Variants in HTT observed in about 807,000 individuals in gnomAD.
HTT encodes the protein huntington disease protein.
A neutral mutation model predicts 362.3 loss-of-function variants in HTT; 104 were observed. That is an observed-to-expected ratio of 0.29 (90% CI 0.24 to 0.34). The LOEUF is 0.34. Among genes scored for constraint, HTT ranks in the 10% least tolerant of loss-of-function variants. The pLI is 1.00. For synonymous variants in HTT, 1,577 were observed against 1,548.7 expected (o/e 1.02, Z -0.43); for missense variants, 3,301 against 3,928.6 (o/e 0.84, Z 4.27).
In HTT at chr4:3,146,886, G is replaced by C. The variant is rs372507485; in HGVS notation, c.3233G>C (p.Trp1078Ser). The C allele has an allele frequency of 6.2e-6, 10 of 1,614,024 alleles. No homozygotes were observed. Among genetic ancestry groups the C allele is most frequent in the Non-Finnish European group, 8.5e-6 (10 of 1,180,016 alleles). Residue 1078 changes from tryptophan (W) to serine (S), a missense_variant, in exon 25 of 67, where the codon TGG (tryptophan) becomes TCG (serine). Around this residue, in one of 4 missense-constraint regions of HTT, gnomAD observed 2,316 missense variants for 2,658.5 expected, o/e 0.87. Coordinates refer to ENST00000355072, the MANE Select transcript of HTT (RefSeq NM_001388492.1). Reference protein sequence around the residue: ...TMILTLLSSAWFPLDLSAHQD... With the variant: ...TMILTLLSSASFPLDLSAHQD... ...ATTCTGACCCTGCTCTCGTCAGCTT[G>C]GTTCCCATTGGATCTCTCAGCCCAT...
intron 38 of HTT, 88 bp downstream of exon 38, chr4:3,186,807 G>A: frequency 1.1e-6 from 1 of 911,008 alleles, no homozygotes. Context: ...GTCTGAGTCA[G>A]TCAGTTTGGG....
At chr4:3,229,113 A>G in intron 59 of HTT, 104 bp downstream of exon 59, 2 of 1,154,170 alleles carry the variant, frequency 1.7e-6, no homozygotes, top group African/African-American at 3.1e-5. Flanking sequence ...CCACTTGCAC[A>G]CACACCCCTC....
At chr4:3,075,704 A>G (rs772756345) in intron 1 of HTT, among the ~76,000 whole-genome samples, 3 of 150,008 alleles carry the variant, frequency 2.0e-5, no homozygotes, top group Non-Finnish European at 4.4e-5. Context: ...TCCTAGTGGC[A>G]CTTAAAACAG....
chr4:3,094,753 G>A (rs1432808625), intron 2 of HTT, among the ~76,000 whole-genome samples: 1 of 149,934 alleles, frequency 6.7e-6, no homozygotes, highest in African/African-American at 2.5e-5. Flanking sequence ...GGGCGGAGGG[G>A]CTCCTCACTT....
chr4:3,079,805 A>G (rs1438341083), intron 1 of HTT, among the ~76,000 whole-genome samples: 5 of 152,202 alleles, frequency 3.3e-5, no homozygotes, highest in African/African-American at 1.2e-4. Flanking sequence ...ACCAGTTAGG[A>G]AGCCACTGCA....
At chr4:3,152,946 C>T (rs532840078) in intron 26 of HTT, among the ~76,000 whole-genome samples, 57 of 151,972 alleles carry the variant, frequency 3.8e-4, no homozygotes, top group African/African-American at 9.9e-4. Flanking sequence ...CCACCATGCC[C>T]GGCTAACCTT....
At chr4:3,140,352 G>A (rs1005040950) in intron 21 of HTT, among the ~76,000 whole-genome samples, 158 bp from the exon 22 acceptor site, 6 of 152,168 alleles carry the variant, frequency 3.9e-5, no homozygotes, top group African/African-American at 1.4e-4. Flanking sequence ...AGACAACGCT[G>A]TCACGTGCTT....
At chr4:3,181,663 CT>C (rs1718531497) in intron 36 of HTT, among the ~76,000 whole-genome samples, 1 of 152,078 alleles carries the variant, frequency 6.6e-6, no homozygotes, top group Non-Finnish European at 1.5e-5. Context: ...TAATGAACCC[CT>C]GTAGTATTTA....
chr4:3,140,730 T>C, intron 22 of HTT, 74 bp downstream of exon 22: 1 of 1,396,214 alleles, frequency 7.2e-7, no homozygotes, highest in East Asian at 2.3e-5. Context: ...AGGCTTTAAT[T>C]GAAAACATTT....
chr4:3,208,923 G>C lies in HTT; in HGVS notation c.6291+12G>C. ...TGAGTCCGGACAAAGTAAGTGTCCA[G>C]CGTGTCTGCATGGGAGGCACAGGGC... On this transcript the variant is annotated intron_variant, in intron 46 of 66. Coordinates refer to ENST00000355072, the MANE Select transcript of HTT (RefSeq NM_001388492.1). 5.0e-6 allele frequency: 8 copies of C among 1,607,230 alleles called. No homozygotes were observed. Among genetic ancestry groups the C allele is most frequent in the South Asian group, 1.1e-5 (1 of 89,950 alleles).
chr4:3,124,774 T>TC (rs1715447751), intron 10 of HTT, among the ~76,000 whole-genome samples: 1 of 152,238 alleles, frequency 6.6e-6, no homozygotes, highest in African/African-American at 2.4e-5. Flanking sequence ...GCTCATTTTT[T>TC]CACTCTTAAT....
At position 3,238,803 on chromosome 4, in the gene HTT, G is replaced by C; in HGVS notation, c.9055-15G>C. 6.4e-7 allele frequency: 1 copy of C among 1,565,568 alleles called. No individual in the cohort carries two copies. The highest frequency in any genetic ancestry group is 8.7e-7 in the Non-Finnish European group (1 of 1,151,194). ...CCCCAGCCCTGACACTCAGGCACCT[G>C]CTTGCTCCTTGCAGGTGTTTCAGAC... On this transcript the variant is annotated splice_polypyrimidine_tract_variant and intron_variant, in intron 65 of 66. Transcript: ENST00000355072.
chr4:3,121,399 C>G lies in HTT; in HGVS notation c.1240C>G (p.Arg414Gly), dbSNP rs1715289819. 1 of 1,613,884 alleles carries G rather than the reference C, an allele frequency of 6.2e-7. No individual in the cohort carries two copies. The highest frequency in any genetic ancestry group is 1.1e-5 in the South Asian group (1 of 91,066). Residue 414 changes from arginine to glycine, a missense_variant, in exon 9 of 67, where the codon CGA becomes GGA. Transcript: ENST00000355072. ...LTAAKEESGG[R>G]SRSGSIVELI... Reference sequence around the variant, plus strand: ...CGCTGCTAAGGAGGAGTCTGGTGGCCGAAGCCGTAGTGGGAGTATTGTGGA... The same window carrying G: ...CGCTGCTAAGGAGGAGTCTGGTGGCGGAAGCCGTAGTGGGAGTATTGTGGA...
chr4:3,240,209 A>G lies in HTT; in HGVS notation c.*150A>G, dbSNP rs2077711305. The G allele has an allele frequency of 1.5e-6, 1 of 652,298 alleles. No homozygotes were observed. Among genetic ancestry groups the G allele is most frequent in the African/African-American group, 1.8e-5 (1 of 55,282 alleles). 40.4% of individuals were successfully genotyped at this position (652,298 alleles called of 1,614,324 possible). A position where few individuals can be genotyped will look rare whatever the true frequency, so the allele number is the denominator to read the frequency against. The stretch of plus-strand genomic sequence containing the variant: ...GCCAGGCAACGTGCGTGTCTCTGCC[A>G]TGTGGCAGAAGTGCTCTTTGTGGCA... On this transcript the variant is annotated 3_prime_UTR_variant, in exon 67 of 67. Transcript: ENST00000355072.
chr4:3,115,331 C>T lies in HTT; in HGVS notation c.775C>T (p.Leu259=). The T allele has an allele frequency of 6.2e-7, 1 of 1,614,112 alleles. No individual in the cohort carries two copies. Among genetic ancestry groups the T allele is most frequent in the South Asian group, 1.1e-5 (1 of 91,076 alleles). The change falls in exon 7 of 67, where the codon CTG becomes TTG. Residue 259 remains leucine, a synonymous_variant. Coordinates refer to ENST00000355072, the MANE Select transcript of HTT (RefSeq NM_001388492.1). The part of the protein sequence containing the change: ...KVLLKAFIAN[L]KSSSPTIRRT... ...TTTGTTAAAGGCCTTCATAGCGAAC[C>T]TGAAGTCAAGCTCCCCCACCATTCG... is the stretch of plus-strand genomic sequence containing the variant.
intron 2 of HTT, among the ~76,000 whole-genome samples, chr4:3,097,181 T>C (rs1184691164): frequency 6.6e-6 from 1 of 151,970 alleles, no homozygotes. Context: ...GTCAGTAAAA[T>C]AGAAAACAAA....
chr4:3,137,494 T>G (rs1252271766), intron 21 of HTT, among the ~76,000 whole-genome samples: 1 of 151,860 alleles, frequency 6.6e-6, no homozygotes, highest in African/African-American at 2.4e-5. Flanking sequence ...AGGTCAGGAG[T>G]TCGAGACCAG....
In HTT at chr4:3,224,100, T is replaced by C; in HGVS notation, c.7734T>C (p.Asp2578=). Reference sequence around the variant, plus strand: ...CCCATCATTTATATCAGGCATGGGATCCTGTCCCTTCTCTGTCTCCGGCTA... The same window carrying C: ...CCCATCATTTATATCAGGCATGGGACCCTGTCCCTTCTCTGTCTCCGGCTA... ...IATHHLYQAW[D]PVPSLSPATT... is the part of the protein sequence containing the mutation. Residue 2578 remains aspartate (D), a synonymous_variant, in exon 56 of 67, where the codon GAT becomes GAC. Coordinates refer to ENST00000355072, the MANE Select transcript of HTT (RefSeq NM_001388492.1). The C allele has an allele frequency of 6.2e-7, 1 of 1,614,136 alleles. No individual in the cohort carries two copies. The highest frequency in any genetic ancestry group is 8.5e-7 in the Non-Finnish European group (1 of 1,179,976).
intron 21 of HTT, among the ~76,000 whole-genome samples, chr4:3,140,143 C>T (rs1716268661): frequency 6.6e-6 from 1 of 152,008 alleles, no homozygotes; most frequent in Non-Finnish European, 1.5e-5. Flanking sequence ...CGCCTGTAAT[C>T]CCAGCTACTC....
Sources: gnomAD v4.1 joint callset for allele counts (sites outside exome capture counted in the v4.1 genomes callset) on GRCh38, gnomAD v4.1.1 for gene constraint, gnomAD v4.1.1 regional missense constraint, MANE v1.5 for transcripts, NCBI Gene and HGNC (gene_info 2026-07-23, HGNC 2026-07-21) for gene names.